Variants in CERS4 observed in about 807,000 individuals in gnomAD.
The protein encoded by CERS4 is ceramide synthase 4, also known as LAG1 homolog, ceramide synthase 4.
In CERS4, 65 loss-of-function variants were observed where a neutral mutation model predicts 51.8. That is an observed-to-expected ratio of 1.26 (90% CI 1.03 to 1.54). The LOEUF (loss-of-function observed/expected upper bound fraction) is 1.54. Ranked by LOEUF, CERS4 falls within the 40% of genes most tolerant of loss-of-function variation. The pLI, the probability that CERS4 is intolerant of heterozygous loss-of-function variation, is 0.00. For synonymous variants in CERS4, 228 were observed against 208.4 expected, an observed-to-expected ratio of 1.09 and a Z score of -0.81; for missense variants, 563 against 500.4, an observed-to-expected ratio of 1.13 and a Z score of -1.19.
At chr19:8,254,408 T>G in intron 3 of CERS4, 91 bp from the exon 4 acceptor site, 1 of 1,208,066 alleles carries the variant, frequency 8.3e-7, no homozygotes, top group South Asian at 1.3e-5. Flanking sequence ...CTCCGAGACT[T>G]GGTTATCCCA....
chr19:8,217,057 T>G (rs1331785892), intron 2 of CERS4, among the ~76,000 whole-genome samples: 1 of 152,082 alleles, frequency 6.6e-6, no homozygotes, highest in African/African-American at 2.4e-5. Flanking sequence ...ATCTGAGGCC[T>G]CCAGAGGGTC....
At chr19:8,243,819 C>T (rs887306572) in intron 2 of CERS4, among the ~76,000 whole-genome samples, 3 of 151,576 alleles carry the variant, frequency 2.0e-5, no homozygotes, top group African/African-American at 7.3e-5. Context: ...CTCCTCCACA[C>T]GCCCACGGGA....
intron 2 of CERS4, among the ~76,000 whole-genome samples, chr19:8,219,734 G>A (rs980935913): frequency 3.3e-5 from 5 of 151,828 alleles, no homozygotes; most frequent in African/African-American, 4.8e-5. Context: ...CAGAAAAATC[G>A]CTTGAACCCG....
In CERS4 at chr19:8,255,703, A is replaced by G; in HGVS notation, c.388A>G (p.Thr130Ala). ...CCGGAACCAGGATCGACCCCAGCTG[A>G]CCAAGAAGTTCTGTGAGGCCAGGTA... ...RRRNQDRPQLTKKFCEASWRF... is the reference protein window; with the variant it reads ...RRRNQDRPQLAKKFCEASWRF... Residue 130 changes from threonine (T) to alanine (A), a missense_variant, in exon 5 of 12, where the codon ACC becomes GCC. Coordinates refer to ENST00000251363, the MANE Select transcript of CERS4 (RefSeq NM_024552.3). 6.2e-7 allele frequency: 1 copy of G among 1,611,582 alleles called. No homozygotes were observed. The highest frequency in any genetic ancestry group is 8.5e-7 in the Non-Finnish European group (1 of 1,179,154).
intron 2 of CERS4, chr19:8,238,425 G>A (rs1968369724): frequency 1.3e-6 from 1 of 797,952 alleles, no homozygotes; most frequent in Non-Finnish European, 1.5e-6. Flanking sequence ...GCGGAGGCAT[G>A]TTGGAAAAAG....
At chr19:8,227,212 C>T (rs1599529344) in intron 2 of CERS4, among the ~76,000 whole-genome samples, 1 of 152,150 alleles carries the variant, frequency 6.6e-6, no homozygotes, top group African/African-American at 2.4e-5. Context: ...CCTGTATCAA[C>T]CCTGTCTCCT....
At position 8,261,688 on chromosome 19, in the gene CERS4, G is replaced by A. The variant is rs1969710893; in HGVS notation, c.849G>A (p.Gln283=). ...CCTCCTCCTCTCCCCCTGGCTGTAGGATCCTCTACACCACATACTACGAGT... is the reference window on the plus strand; with the variant it reads ...CCTCCTCCTCTCCCCCTGGCTGTAGAATCCTCTACACCACATACTACGAGT... ...FYTRLVLFPT[Q]ILYTTYYESI... is the part of the protein sequence containing the mutation. Residue 283 remains glutamine (Q), a splice_region_variant and synonymous_variant, in exon 11 of 12, where the codon CAG becomes CAA. Coordinates refer to ENST00000251363, the MANE Select transcript of CERS4 (RefSeq NM_024552.3). The A allele has an allele frequency of 6.2e-7, 1 of 1,613,852 alleles. No homozygotes were observed. Among genetic ancestry groups the A allele is most frequent in the Non-Finnish European group, 8.5e-7 (1 of 1,179,980 alleles).
chr19:8,255,096 C>T lies in CERS4; in HGVS notation c.291+480C>T, dbSNP rs535790776. On this transcript the variant is annotated intron_variant, in intron 4 of 11. Coordinates refer to ENST00000251363, the MANE Select transcript of CERS4 (RefSeq NM_024552.3). ...CATTCCCGTCTCTGGTGTGGCTGCCCGCTGGACAGGGTCTGTGCTGTGGAG... is the reference window on the plus strand; with the variant it reads ...CATTCCCGTCTCTGGTGTGGCTGCCTGCTGGACAGGGTCTGTGCTGTGGAG... Among the ~76,000 whole-genome samples, 5 of 152,192 alleles carry T rather than the reference C, an allele frequency of 3.3e-5. 1 individual carries two copies. The South Asian group carries it at 6.2e-4, about 19-fold the overall frequency.
chr19:8,236,271 G>C (rs1968248682), intron 2 of CERS4, among the ~76,000 whole-genome samples: 1 of 152,218 alleles, frequency 6.6e-6, no homozygotes. Flanking sequence ...TGGTGTACCA[G>C]AGTTTTGTTA....
chr19:8,254,508 C>A lies in CERS4; in HGVS notation c.183C>A (p.Gly61=). The change falls in exon 4 of 12, where the codon GGC becomes GGA. Residue 61 remains glycine (G), a synonymous_variant. Transcript: ENST00000251363. The stretch of plus-strand genomic sequence containing the variant: ...TCTCCTTTGCACCCAGATTCATTGG[C>A]CTGCCCCTGAGCCGGTGGCTGGGTG... ...AMRLAFERFI[G]LPLSRWLGVR... is the part of the protein sequence containing the mutation. 6.2e-7 allele frequency: 1 copy of A among 1,613,678 alleles called. No individual in the cohort carries two copies. Among genetic ancestry groups the A allele is most frequent in the Non-Finnish European group, 8.5e-7 (1 of 1,179,918 alleles).
At chr19:8,255,514 C>T in intron 4 of CERS4, 93 bp from the exon 5 acceptor site, 3 of 1,071,610 alleles carry the variant, frequency 2.8e-6, no homozygotes, top group African/African-American at 1.6e-5. Context: ...TGTGGGCCTG[C>T]AGTGGAGAGG....
chr19:8,251,371 G>A lies in CERS4; in HGVS notation c.173+122G>A, dbSNP rs902562852. 2.5e-5 allele frequency: 36 copies of A among 1,424,768 alleles called. 1 individual carries two copies. Among genetic ancestry groups the A allele is most frequent in the Non-Finnish European group, 3.2e-5 (35 of 1,095,518 alleles). 88.3% of individuals were successfully genotyped at this position (1,424,768 alleles called of 1,614,324 possible). ...AGAAGCTGGCTTTGCACCAAAGCGC[G>A]TTCCCTGGCTCCAGCCTGCCCCCAG... On this transcript the variant is annotated intron_variant, in intron 3 of 11. Transcript: ENST00000251363.
chr19:8,257,303 C>A, intron 9 of CERS4: 5 of 542,420 alleles, frequency 9.2e-6, no homozygotes, highest in Non-Finnish European at 1.6e-5. Flanking sequence ...CTTCCTTGGG[C>A]AGAGGCCCCC....
intron 2 of CERS4, among the ~76,000 whole-genome samples, chr19:8,225,497 A>C (rs1967749686): frequency 6.8e-6 from 1 of 147,820 alleles, no homozygotes; most frequent in Non-Finnish European, 1.5e-5. Flanking sequence ...GATCTCGGCT[A>C]ACTGCAACCT....
chr19:8,261,867 G>A (rs367570187), intron 11 of CERS4, 23 bp downstream of exon 11: 5 of 1,613,706 alleles, frequency 3.1e-6, no homozygotes, highest in Admixed American at 3.3e-5. Flanking sequence ...CTCCCCGGGG[G>A]CCCCAGCCCT....
At chr19:8,259,027 G>A (rs752293968) in intron 10 of CERS4, among the ~76,000 whole-genome samples, 6 of 151,962 alleles carry the variant, frequency 3.9e-5, no homozygotes, top group Admixed American at 6.6e-5. Context: ...CCAGCTACTC[G>A]GGAGGCTAAG....
chr19:8,256,829 TAGAGGCCATGGGCCC>T (rs982166239), intron 8 of CERS4, 105 bp from the exon 9 acceptor site: 9 of 1,581,204 alleles, frequency 5.7e-6, no homozygotes, highest in Non-Finnish European at 6.9e-6. Context: ...GCAGGAGATA[TAGAGGCCATGGGCCC>T]AGAGGCCACA....
chr19:8,234,044 C>T lies in CERS4; in HGVS notation c.-1-17032C>T, dbSNP rs192922198. ...AGAGTCGGCTGGGCGTGGTGGCTCACGCCTGTAATCCCAGCACTTTGGGAG... is the reference window on the plus strand; with the variant it reads ...AGAGTCGGCTGGGCGTGGTGGCTCATGCCTGTAATCCCAGCACTTTGGGAG... On this transcript the variant is annotated intron_variant, in intron 2 of 11. Transcript: ENST00000251363. 2.6e-3 allele frequency among the ~76,000 whole-genome samples: 400 copies of T among 151,810 alleles called. 1 individual carries two copies. The highest frequency in any genetic ancestry group is 9.2e-3 in the African/African-American group (379 of 41,394).
chr19:8,257,702 T>C (rs1969469982), intron 9 of CERS4, among the ~76,000 whole-genome samples, 177 bp from the exon 10 acceptor site: 1 of 152,200 alleles, frequency 6.6e-6, no homozygotes, highest in Admixed American at 6.5e-5. Context: ...AGTGCTGGGA[T>C]TACAGGCGTG....
Sources: allele counts gnomAD v4.1 joint callset (sites outside exome capture counted in the v4.1 genomes callset), GRCh38; gene constraint gnomAD v4.1.1; transcripts MANE v1.5; gene names NCBI Gene and HGNC (gene_info 2026-07-23, HGNC 2026-07-21).